The following SMYD3 variants were observed in gnomAD, a reference collection of about 807,000 sequenced individuals.
The protein encoded by SMYD3 is histone-lysine N-methyltransferase SMYD3.
SMYD3 carries 36 observed loss-of-function variants against 57.7 expected under a neutral mutation model. The ratio of observed to expected loss-of-function variants is 0.62; its 90% CI spans 0.48 to 0.82. The LOEUF is 0.82. Ranked by LOEUF, SMYD3 falls within the 40% of genes least tolerant of loss-of-function variation. The probability of loss-of-function intolerance (pLI) is 0.00; values close to 1 mark genes in which losing one functional copy is unlikely to be tolerated. For missense variants in SMYD3, 515 were observed against 538.8 expected (o/e 0.96, Z 0.44); for synonymous variants, 211 against 195.0 (o/e 1.08, Z -0.68).
intron 5 of SMYD3, among the ~76,000 whole-genome samples, chr1:245,972,655 G>A (rs904600713): frequency 6.6e-6 from 1 of 152,160 alleles, no homozygotes; most frequent in African/African-American, 2.4e-5. Flanking sequence ...GACTAAGTTC[G>A]CTCCAACTGA....
At chr1:246,023,739 A>G (rs2059516887) in intron 5 of SMYD3, among the ~76,000 whole-genome samples, 1 of 151,534 alleles carries the variant, frequency 6.6e-6, no homozygotes, top group South Asian at 2.1e-4. Flanking sequence ...CTGGATTTCC[A>G]ATTTCCAGCT....
chr1:246,238,018 A>G (rs1241295960), intron 5 of SMYD3, among the ~76,000 whole-genome samples: 1 of 152,134 alleles, frequency 6.6e-6, no homozygotes, highest in African/African-American at 2.4e-5. Flanking sequence ...AAAATTTTCT[A>G]AAGAGTATCT....
chr1:245,763,472 G>A (rs755095773), intron 11 of SMYD3, among the ~76,000 whole-genome samples: 7 of 152,188 alleles, frequency 4.6e-5, no homozygotes, highest in Non-Finnish European at 1.0e-4. Flanking sequence ...GGGTTGTGAT[G>A]CGGAGAGCAC....
intron 5 of SMYD3, among the ~76,000 whole-genome samples, chr1:246,196,579 C>T (rs570750928): frequency 1.3e-5 from 2 of 152,130 alleles, no homozygotes; most frequent in African/African-American, 4.8e-5. Flanking sequence ...AAATGTTCTT[C>T]TAAGTATTGT....
intron 5 of SMYD3, among the ~76,000 whole-genome samples, chr1:246,002,585 TG>T (rs1262879916): frequency 7.7e-6 from 1 of 130,166 alleles, no homozygotes; most frequent in African/African-American, 2.8e-5. Flanking sequence ...CCCAAAGTGC[TG>T]GGATTACAGG....
intron 1 of SMYD3, among the ~76,000 whole-genome samples, chr1:246,363,070 C>T (rs111391116): frequency 6.6e-6 from 1 of 151,078 alleles, no homozygotes; most frequent in African/African-American, 2.4e-5. Flanking sequence ...GCCTCTGCCC[C>T]ACCGCCCCTT....
intron 5 of SMYD3, among the ~76,000 whole-genome samples, chr1:246,030,947 G>A (rs1003531411): frequency 1.3e-5 from 2 of 152,124 alleles, no homozygotes; most frequent in African/African-American, 2.4e-5. Context: ...GCATGTGGAC[G>A]TGTTTAGTGG....
At chr1:245,781,862 G>T (rs1011090174) in intron 10 of SMYD3, among the ~76,000 whole-genome samples, 1 of 152,084 alleles carries the variant, frequency 6.6e-6, no homozygotes, top group Non-Finnish European at 1.5e-5. Context: ...CCAGCTACTT[G>T]GGAAGCTGAA....
chr1:246,312,379 G>C (rs2065094275), intron 5 of SMYD3, among the ~76,000 whole-genome samples: 1 of 152,076 alleles, frequency 6.6e-6, no homozygotes, highest in Non-Finnish European at 1.5e-5. Context: ...AGGCCATTTA[G>C]GTGAGATCGG....
chr1:246,450,197 G>C (rs1449637175), intron 1 of SMYD3, among the ~76,000 whole-genome samples: 1 of 152,088 alleles, frequency 6.6e-6, no homozygotes, highest in Non-Finnish European at 1.5e-5. Flanking sequence ...TGAGGCAGGA[G>C]AATGGCTTGA....
intron 1 of SMYD3, among the ~76,000 whole-genome samples, chr1:246,454,773 CAA>C (rs2067677874): frequency 6.6e-6 from 1 of 152,082 alleles, no homozygotes; most frequent in South Asian, 2.1e-4. Context: ...TAAAAATACT[CAA>C]AGATTTCTTA....
intron 5 of SMYD3, among the ~76,000 whole-genome samples, chr1:246,054,274 C>T (rs982937746): frequency 2.6e-5 from 4 of 152,080 alleles, no homozygotes; most frequent in Admixed American, 2.6e-4. Flanking sequence ...ACTACCAGGT[C>T]TTGGTGATGA....
chr1:246,496,971 TA>T (rs1558491883), intron 1 of SMYD3, among the ~76,000 whole-genome samples: 1 of 152,220 alleles, frequency 6.6e-6, no homozygotes. Flanking sequence ...GTACTATATT[TA>T]AACAACTAGT....
chr1:246,430,325 C>G (rs2067277856), intron 1 of SMYD3, among the ~76,000 whole-genome samples: 1 of 152,174 alleles, frequency 6.6e-6, no homozygotes, highest in African/African-American at 2.4e-5. Context: ...TCAGAGCTGC[C>G]TGGGCATCTG....
At chr1:245,927,877 G>T in intron 7 of SMYD3, 54 bp downstream of exon 7, 1 of 1,437,406 alleles carries the variant, frequency 7.0e-7, no homozygotes, top group Non-Finnish European at 9.7e-7. Context: ...GGGCCGAGCT[G>T]AGAGGGTCTT....
intron 11 of SMYD3, among the ~76,000 whole-genome samples, chr1:245,752,406 C>T (rs1232212946): frequency 2.0e-5 from 3 of 152,196 alleles, no homozygotes; most frequent in Non-Finnish European, 2.9e-5. Flanking sequence ...CTCCTGGTTA[C>T]ATTCCCCAGG....
chr1:246,197,714 G>T (rs1272323194), intron 5 of SMYD3, among the ~76,000 whole-genome samples: 2 of 152,098 alleles, frequency 1.3e-5, no homozygotes, highest in Non-Finnish European at 2.9e-5. Context: ...ATAAAGTATG[G>T]ACTTTAGTTA....
intron 10 of SMYD3, among the ~76,000 whole-genome samples, chr1:245,836,417 A>G (rs2050109696): frequency 6.6e-6 from 1 of 152,198 alleles, no homozygotes. Context: ...AGGGCTGGCC[A>G]TAGGGAGCCG....
At chr1:246,200,174 G>C (rs1353072790) in intron 5 of SMYD3, among the ~76,000 whole-genome samples, 1 of 151,542 alleles carries the variant, frequency 6.6e-6, no homozygotes, top group Non-Finnish European at 1.5e-5. Flanking sequence ...TATGTACACA[G>C]ATGTCCACTG....
Sources: gnomAD v4.1 joint callset for allele counts (sites outside exome capture counted in the v4.1 genomes callset) on GRCh38, gnomAD v4.1.1 for gene constraint, MANE v1.5 for transcripts, NCBI Gene and HGNC (gene_info 2026-07-23, HGNC 2026-07-21) for gene names.